The following ARSG variants were observed in gnomAD, a reference collection of about 807,000 sequenced individuals.
The protein encoded by ARSG is arylsulfatase G, also known as ASG.
ARSG carries 37 observed loss-of-function variants against 50.5 expected under a neutral mutation model. That is an observed-to-expected ratio of 0.73 (90% CI 0.56 to 0.96). The LOEUF is 0.96. Among genes scored for constraint, ARSG ranks in the 50% least tolerant of loss-of-function variants. ARSG has a pLI of 0.00. For synonymous variants in ARSG, 225 were observed against 254.6 expected (o/e 0.88, Z 1.11); for missense variants, 629 against 675.3 (o/e 0.93, Z 0.76).
At position 68,357,341 on chromosome 17, in the gene ARSG, G is replaced by A. The variant is rs2079077649; in HGVS notation, c.704+537G>A. Among the ~76,000 whole-genome samples the A allele has an allele frequency of 2.6e-5, 4 of 152,180 alleles. No homozygotes were observed. In the South Asian group the frequency reaches 8.3e-4, roughly 31 times the overall value. On this transcript the variant is annotated intron_variant, in intron 6 of 11. Transcript: ENST00000621439. ...GTTTTCTTGGGGAGTCTCTAGGGAG[G>A]ATTCCTTCCTTGCCTTTTCCAGCTT...
At chr17:68,341,723 C>T (rs2078277594) in intron 2 of ARSG, among the ~76,000 whole-genome samples, 1 of 152,132 alleles carries the variant, frequency 6.6e-6, no homozygotes, top group Non-Finnish European at 1.5e-5. Flanking sequence ...TCTGCATGTT[C>T]CTTGAGGATA....
chr17:68,302,407 T>C (rs1555762271), intron 1 of ARSG, among the ~76,000 whole-genome samples: 2 of 152,094 alleles, frequency 1.3e-5, no homozygotes, highest in Non-Finnish European at 1.5e-5. Flanking sequence ...ATTTCAGCTG[T>C]TTTCAAGGTT....
At chr17:68,262,243 C>T (rs143917207) in intron 1 of ARSG, among the ~76,000 whole-genome samples, 19,550 of 151,404 alleles carry the variant, frequency 0.13, 1,365 homozygotes, top group East Asian at 0.18. Flanking sequence ...AGGCTGAGGT[C>T]GGCGGATCAC....
downstream of ARSG, chr17:68,422,102 CT>C (rs1416001475): frequency 5.0e-6 from 2 of 398,274 alleles, no homozygotes; most frequent in Non-Finnish European, 9.3e-6. Flanking sequence ...GCTCATCTTA[CT>C]TGTAAACATG....
At chr17:68,269,247 C>A in intron 1 of ARSG, 1 of 1,514,590 alleles carries the variant, frequency 6.6e-7, no homozygotes, top group Non-Finnish European at 9.0e-7. Flanking sequence ...TCCCATCTTA[C>A]ACGGTCTCAC....
At chr17:68,309,043 G>A (rs1227717119) in intron 2 of ARSG, among the ~76,000 whole-genome samples, 1 of 152,248 alleles carries the variant, frequency 6.6e-6, no homozygotes, top group Non-Finnish European at 1.5e-5. Flanking sequence ...TGCAGGTCCC[G>A]AGCCCTGCCC....
the ARSG span, among the ~76,000 whole-genome samples, chr17:68,439,438 C>T: frequency 2.0e-4 from 31 of 152,056 alleles, no homozygotes; most frequent in Admixed American, 7.9e-4. Flanking sequence ...AATCCATAAT[C>T]TAATAGAGAC....
intron 1 of ARSG, among the ~76,000 whole-genome samples, chr17:68,276,015 CACTT>C (rs1568410047): frequency 6.6e-6 from 1 of 150,442 alleles, no homozygotes. Flanking sequence ...TCTTGATACT[CACTT>C]AAAATAGAAC....
chr17:68,426,509 A>C (rs1300760294), downstream of ARSG, among the ~76,000 whole-genome samples: 1 of 152,094 alleles, frequency 6.6e-6, no homozygotes, highest in Non-Finnish European at 1.5e-5. Context: ...AGTGGCTAGG[A>C]CTACAGGCTC....
At chr17:68,270,804 T>G (rs782085718) in intron 1 of ARSG, 2 of 1,521,786 alleles carry the variant, frequency 1.3e-6, no homozygotes, top group Admixed American at 2.0e-5. Context: ...CAAGGGAAAG[T>G]AGACAAGTGT....
downstream of ARSG, chr17:68,421,778 A>G (rs772751225): frequency 1.9e-6 from 3 of 1,614,180 alleles, no homozygotes; most frequent in South Asian, 3.3e-5. Flanking sequence ...TCTCATCATG[A>G]CTGCTTCGTT....
intron 1 of ARSG, chr17:68,278,258 T>G: frequency 1.9e-6 from 3 of 1,614,198 alleles, no homozygotes; most frequent in Non-Finnish European, 2.5e-6. Context: ...AGCCCCATCC[T>G]CCATCAGGCA....
At chr17:68,401,183 T>A in intron 10 of ARSG, 177 bp from the exon 11 acceptor site, 1 of 591,212 alleles carries the variant, frequency 1.7e-6, no homozygotes, top group Non-Finnish European at 3.0e-6. Context: ...CCACCATGCC[T>A]GGTTAACTTT....
At chr17:68,284,271 C>T (rs1186245490) in intron 1 of ARSG, among the ~76,000 whole-genome samples, 2 of 151,998 alleles carry the variant, frequency 1.3e-5, no homozygotes, top group East Asian at 1.9e-4. Flanking sequence ...TGTGGTGGCA[C>T]GTGCCTGTAG....
At chr17:68,384,955 G>T in intron 8 of ARSG, 109 bp from the exon 9 acceptor site, 1 of 793,856 alleles carries the variant, frequency 1.3e-6, no homozygotes, top group Non-Finnish European at 2.1e-6. Context: ...TTCCTTTGTT[G>T]GGGTTATTGG....
At chr17:68,296,246 G>A (rs555526828) in intron 1 of ARSG, among the ~76,000 whole-genome samples, 16 of 152,230 alleles carry the variant, frequency 1.1e-4, no homozygotes, top group African/African-American at 3.6e-4. Context: ...ATCGAGTCAC[G>A]CTTTCTTCAG....
chr17:68,299,100 CTTT>C (rs201821256), intron 1 of ARSG, among the ~76,000 whole-genome samples: 20,692 of 105,294 alleles, frequency 0.2, 1,402 homozygotes, highest in Middle Eastern at 0.26. Flanking sequence ...AAAAATTGAA[CTTT>C]TTTTTTTTTT....
At position 68,395,074 on chromosome 17, in the gene ARSG, G is replaced by A. The variant is rs185381597; in HGVS notation, c.1093G>A (p.Val365Met). The A allele has an allele frequency of 7.5e-5, 121 of 1,613,916 alleles. No homozygotes were observed. Among genetic ancestry groups the A allele is most frequent in the Admixed American group, 3.3e-4 (20 of 60,008 alleles). The change falls in exon 10 of 12, where the codon GTG (valine) becomes ATG (methionine). Residue 365 changes from valine to methionine, a missense_variant and splice_region_variant. Val to Met is a conservative substitution (Grantham distance 21). Coordinates refer to ENST00000621439, the MANE Select transcript of ARSG (RefSeq NM_001267727.2). ...AACTCAGTCTTGTTATTTCCGCAGCGTGCTGGACATTTTTCCAACTGTGGT... is the reference window on the plus strand; with the variant it reads ...AACTCAGTCTTGTTATTTCCGCAGCATGCTGGACATTTTTCCAACTGTGGT... ...VNVTSTALLS[V>M]LDIFPTVVAL... is the part of the protein sequence containing the mutation.
At chr17:68,333,068 T>C (rs566740153) in intron 2 of ARSG, among the ~76,000 whole-genome samples, 1 of 152,316 alleles carries the variant, frequency 6.6e-6, no homozygotes, top group African/African-American at 2.4e-5. Flanking sequence ...CCCAGCATTT[T>C]GGGAGGCTGA....
Sources: gnomAD v4.1 joint callset for allele counts (sites outside exome capture counted in the v4.1 genomes callset) on GRCh38, gnomAD v4.1.1 for gene constraint, MANE v1.5 for transcripts, NCBI Gene and HGNC (gene_info 2026-07-23, HGNC 2026-07-21) for gene names.